CHN2: variants seen among roughly 807,000 people sequenced by gnomAD.
CHN2 encodes the protein chimerin 2.
A neutral mutation model predicts 56.3 loss-of-function variants in CHN2; 35 were observed. The observed-to-expected ratio is 0.62, with a 90% confidence interval of 0.47 to 0.82. The LOEUF (loss-of-function observed/expected upper bound fraction) is 0.82, where lower values mean the gene tolerates loss of function less well. CHN2 is among the 40% of genes least tolerant of loss of function. The pLI is 0.00. For missense variants in CHN2, 491 were observed against 580.5 expected, an observed-to-expected ratio of 0.85 and a Z score of 1.58; for synonymous variants, 210 against 212.8, an observed-to-expected ratio of 0.99 and a Z score of 0.12.
rs530238857 is a variant in CHN2, at chr7:29,475,219, A to T, written c.577-5060A>T. Among the ~76,000 whole-genome samples, 6 of 152,254 alleles carry T rather than the reference A, an allele frequency of 3.9e-5. No individual in the cohort carries two copies. The South Asian group carries it at 8.3e-4, about 21-fold the overall frequency. On this transcript the variant is annotated intron_variant, in intron 6 of 12. Coordinates refer to ENST00000222792, the MANE Select transcript of CHN2 (RefSeq NM_004067.4). ...GAGAGGGCTTAGAAAATAGAATCCC[A>T]ACCTTTATTCATCAAAAAAAGAAGA... is the stretch of plus-strand genomic sequence containing the variant.
Position 29,416,063 on chromosome 7 carries a change from G to A in CHN2, c.576+15235G>A, listed in dbSNP as rs112452705. On this transcript the variant is annotated intron_variant, in intron 6 of 12. Coordinates refer to ENST00000222792, the MANE Select transcript of CHN2 (RefSeq NM_004067.4). Reference sequence around the variant, plus strand: ...GATAAATGCGGCCCCACAGAGCTGCGTTAACCTACAGGGCTTCTGTGTTCA... The same window carrying A: ...GATAAATGCGGCCCCACAGAGCTGCATTAACCTACAGGGCTTCTGTGTTCA... Among the ~76,000 whole-genome samples, 212 of 152,274 alleles carry A rather than the reference G, an allele frequency of 1.4e-3. 1 individual carries two copies. The highest frequency in any genetic ancestry group is 4.5e-3 in the African/African-American group (188 of 41,538).
intron 6 of CHN2, among the ~76,000 whole-genome samples, chr7:29,461,359 G>C (rs1214162768): frequency 6.6e-6 from 1 of 152,170 alleles, no homozygotes; most frequent in Non-Finnish European, 1.5e-5. Context: ...GAGTTAACCA[G>C]ATGAACAAAG....
chr7:29,499,801 C>CAT, intron 8 of CHN2, 66 bp from the exon 9 acceptor site: 1 of 1,409,544 alleles, frequency 7.1e-7, no homozygotes, highest in Non-Finnish European at 9.5e-7. Flanking sequence ...TTTTTGGCAA[C>CAT]ATATAATTTG....
chr7:29,321,566 CTTTCTT>C (rs1286928103), intron 1 of CHN2, among the ~76,000 whole-genome samples: 10 of 111,366 alleles, frequency 9.0e-5, no homozygotes, highest in Non-Finnish European at 1.4e-4. Context: ...TTCTTTCTTT[CTTTCTT>C]TTTTTTTTTT....
At chr7:29,249,999 A>G (rs1584864905) in intron 1 of CHN2, among the ~76,000 whole-genome samples, 1 of 152,226 alleles carries the variant, frequency 6.6e-6, no homozygotes, top group East Asian at 1.9e-4. Context: ...GCTTCTGAAT[A>G]TATCTGCATT....
intron 1 of CHN2, among the ~76,000 whole-genome samples, chr7:29,341,706 A>G (rs142653561): frequency 6.6e-6 from 1 of 152,328 alleles, no homozygotes; most frequent in East Asian, 1.9e-4. Context: ...AGTTTTTTCT[A>G]ATTCTCTAGT....
chr7:29,487,411 A>G (rs530983842), intron 7 of CHN2, among the ~76,000 whole-genome samples: 4 of 152,340 alleles, frequency 2.6e-5, no homozygotes, highest in African/African-American at 9.6e-5. Context: ...TTCTGCTCCC[A>G]GAGTGCTATG....
chr7:29,263,109 G>C (rs1299837952), intron 1 of CHN2, among the ~76,000 whole-genome samples: 5 of 152,166 alleles, frequency 3.3e-5, no homozygotes, highest in African/African-American at 1.2e-4. Flanking sequence ...CCGCCATCTC[G>C]GCTCACTGCA....
intron 1 of CHN2, among the ~76,000 whole-genome samples, chr7:29,271,241 A>G (rs1169922157): frequency 6.6e-6 from 1 of 152,174 alleles, no homozygotes; most frequent in Non-Finnish European, 1.5e-5. Context: ...CCTAACTCCA[A>G]CAGTCCGGAG....
At chr7:29,341,606 A>G (rs1010949181) in intron 1 of CHN2, among the ~76,000 whole-genome samples, 4 of 147,816 alleles carry the variant, frequency 2.7e-5, no homozygotes, top group African/African-American at 9.8e-5. Flanking sequence ...GGAGAGAAGG[A>G]TGGGAGGGAG....
intron 3 of CHN2, among the ~76,000 whole-genome samples, chr7:29,372,115 G>A (rs1283796030): frequency 2.0e-5 from 3 of 151,936 alleles, no homozygotes; most frequent in Admixed American, 6.6e-5. Flanking sequence ...ATGAGCCATA[G>A]TTTGCCTCCT....
At chr7:29,387,379 A>G (rs1800998370) in intron 3 of CHN2, among the ~76,000 whole-genome samples, 1 of 152,246 alleles carries the variant, frequency 6.6e-6, no homozygotes, top group South Asian at 2.1e-4. Flanking sequence ...AAGGGTCCAC[A>G]TGCATATTCT....
At chr7:29,373,873 T>C (rs918905433) in intron 3 of CHN2, among the ~76,000 whole-genome samples, 2 of 152,212 alleles carry the variant, frequency 1.3e-5, no homozygotes, top group Non-Finnish European at 1.5e-5. Flanking sequence ...AGGGATTTTC[T>C]ACCATTCCAC....
intron 1 of CHN2, among the ~76,000 whole-genome samples, chr7:29,202,857 G>A (rs1282762122): frequency 6.6e-6 from 1 of 152,176 alleles, no homozygotes; most frequent in Admixed American, 6.5e-5. Flanking sequence ...CATGAAATAA[G>A]CCCAAGAGAC....
chr7:29,226,006 G>T (rs1786162314), intron 1 of CHN2, among the ~76,000 whole-genome samples: 1 of 152,104 alleles, frequency 6.6e-6, no homozygotes, highest in African/African-American at 2.4e-5. Context: ...TTATAATTAA[G>T]AACATTGTAC....
At chr7:29,167,726 C>A (rs1392767225) in intron 2 of CHN2, among the ~76,000 whole-genome samples, 1 of 152,174 alleles carries the variant, frequency 6.6e-6, no homozygotes. Context: ...AAACTGGCAT[C>A]TGTGAAAGTC....
intron 6 of CHN2, among the ~76,000 whole-genome samples, chr7:29,467,644 G>C (rs1022551790): frequency 6.6e-6 from 1 of 152,214 alleles, no homozygotes; most frequent in Admixed American, 6.5e-5. Flanking sequence ...TCTAGTGGGG[G>C]ACAGATAAGT....
At chr7:29,258,122 C>T (rs1339499208) in intron 1 of CHN2, among the ~76,000 whole-genome samples, 1 of 152,152 alleles carries the variant, frequency 6.6e-6, no homozygotes, top group Non-Finnish European at 1.5e-5. Flanking sequence ...TTTCATCTCT[C>T]TCTCTTGCCT....
intron 1 of CHN2, among the ~76,000 whole-genome samples, chr7:29,216,148 C>G (rs1785323583): frequency 6.6e-6 from 1 of 152,006 alleles, no homozygotes; most frequent in African/African-American, 2.4e-5. Context: ...ATTAAAAAAG[C>G]CAGAGGAAGA....
Sources: gnomAD v4.1 joint callset for allele counts (sites outside exome capture counted in the v4.1 genomes callset) on GRCh38, gnomAD v4.1.1 for gene constraint, MANE v1.5 for transcripts, NCBI Gene and HGNC (gene_info 2026-07-23, HGNC 2026-07-21) for gene names.